The following KCNJ6 variants were observed in gnomAD, a reference collection of about 807,000 sequenced individuals.
KCNJ6 encodes the protein potassium inwardly rectifying channel subfamily J member 6.
A neutral mutation model predicts 34.2 loss-of-function variants in KCNJ6; 9 were observed. That is an observed-to-expected ratio of 0.26 (90% confidence interval 0.16 to 0.46). The LOEUF is 0.46. Ranked by LOEUF, KCNJ6 falls within the 20% of genes least tolerant of loss-of-function variation. The pLI, the probability that KCNJ6 is intolerant of heterozygous loss-of-function variation, is 1.00. For missense variants in KCNJ6, 236 were observed against 531.3 expected (o/e 0.44, Z 5.46); for synonymous variants, 196 against 207.1 (o/e 0.95, Z 0.46).
chr21:37,880,120 G>A (rs943879172), intron 1 of KCNJ6, among the ~76,000 whole-genome samples: 4 of 149,680 alleles, frequency 2.7e-5, no homozygotes, highest in South Asian at 2.1e-4. Flanking sequence ...AAAATTAGCC[G>A]AGTATGATTG....
At position 37,618,259 on chromosome 21, in the gene KCNJ6, C is replaced by T. The variant is rs760971605; in HGVS notation, c.*6900G>A. The T allele has an allele frequency of 2.0e-5, 3 of 152,316 alleles. No homozygotes were observed. Among genetic ancestry groups the T allele is most frequent in the South Asian group, 2.1e-4 (1 of 4,818 alleles). 9.4% of individuals were successfully genotyped at this position (152,316 alleles called of 1,614,324 possible). On this transcript the variant is annotated 3_prime_UTR_variant, in exon 4 of 4. Transcript: ENST00000609713. ...CTCTGATCTCTGCACTCCAGTTGAT[C>T]GAGTTCTACTAGTTGTGTTTAGTGA... is the stretch of plus-strand genomic sequence containing the variant.
intron 1 of KCNJ6, among the ~76,000 whole-genome samples, chr21:37,909,273 C>T (rs2055855916): frequency 6.6e-6 from 1 of 152,134 alleles, no homozygotes. Flanking sequence ...TACACAGGCT[C>T]ATCAAGAACT....
intron 1 of KCNJ6, among the ~76,000 whole-genome samples, chr21:37,900,505 G>A (rs1383517694): frequency 2.6e-5 from 4 of 152,154 alleles, no homozygotes; most frequent in African/African-American, 4.8e-5. Flanking sequence ...AATAAACAAA[G>A]CCACATGCAA....
intron 3 of KCNJ6, among the ~76,000 whole-genome samples, chr21:37,647,885 C>T (rs2054413021): frequency 1.3e-5 from 2 of 152,200 alleles, no homozygotes; most frequent in African/African-American, 4.8e-5. Context: ...GCAGCAGAGG[C>T]AGCATCTATA....
intron 2 of KCNJ6, among the ~76,000 whole-genome samples, chr21:37,827,997 C>G (rs2055406898): frequency 6.6e-6 from 1 of 152,126 alleles, no homozygotes; most frequent in Admixed American, 6.5e-5. Flanking sequence ...GTGGCTGGGC[C>G]ACAGTTAGAT....
chr21:37,683,103 T>A (rs1419741614), intron 3 of KCNJ6, among the ~76,000 whole-genome samples: 1 of 152,128 alleles, frequency 6.6e-6, no homozygotes, highest in African/African-American at 2.4e-5. Context: ...CCTGGAAAAA[T>A]ATGTCCTCTG....
intron 1 of KCNJ6, among the ~76,000 whole-genome samples, chr21:37,873,654 T>C (rs545293840): frequency 6.6e-6 from 1 of 152,260 alleles, no homozygotes; most frequent in African/African-American, 2.4e-5. Flanking sequence ...GGACTAGAAA[T>C]AGAAATATGA....
chr21:37,812,160 C>T (rs2055326099), intron 2 of KCNJ6, among the ~76,000 whole-genome samples: 2 of 152,050 alleles, frequency 1.3e-5, no homozygotes, highest in Admixed American at 1.3e-4. Flanking sequence ...CTGGTTATAC[C>T]ACACTTTCTG....
chr21:37,858,539 G>T (rs143569937), intron 1 of KCNJ6, among the ~76,000 whole-genome samples: 1,871 of 151,294 alleles, frequency 0.012, 24 homozygotes, highest in Middle Eastern at 0.051. Flanking sequence ...AGAGAAAAAA[G>T]AAATAATTTT....
chr21:37,750,040 A>T (rs958555528), intron 2 of KCNJ6, among the ~76,000 whole-genome samples: 6 of 151,636 alleles, frequency 4.0e-5, no homozygotes, highest in Non-Finnish European at 8.8e-5. Context: ...AAAGGCATTT[A>T]AAAAAAAATG....
chr21:37,666,326 ACT>A (rs1322386236), intron 3 of KCNJ6, among the ~76,000 whole-genome samples: 1 of 151,872 alleles, frequency 6.6e-6, no homozygotes, highest in South Asian at 2.1e-4. Context: ...GGCTGAGCTG[ACT>A]CTCACGGTTT....
intron 3 of KCNJ6, among the ~76,000 whole-genome samples, chr21:37,654,826 G>A (rs1270177032): frequency 1.3e-5 from 2 of 152,122 alleles, no homozygotes; most frequent in Non-Finnish European, 2.9e-5. Flanking sequence ...CCCCTGGCTG[G>A]GTCTGGGGAT....
At chr21:37,906,782 C>A (rs2123650632) in intron 1 of KCNJ6, among the ~76,000 whole-genome samples, 1 of 152,326 alleles carries the variant, frequency 6.6e-6, no homozygotes, top group East Asian at 1.9e-4. Context: ...GCCTCTCTTC[C>A]AATGACAACA....
intron 3 of KCNJ6, among the ~76,000 whole-genome samples, chr21:37,625,855 C>T (rs770917112): frequency 1.3e-5 from 2 of 152,376 alleles, no homozygotes; most frequent in East Asian, 3.9e-4. Context: ...CCTCCTACTG[C>T]TCTTGGAGGT....
intron 2 of KCNJ6, among the ~76,000 whole-genome samples, chr21:37,835,144 G>A (rs1335876914): frequency 6.6e-6 from 1 of 152,192 alleles, no homozygotes; most frequent in East Asian, 1.9e-4. Flanking sequence ...AACTCCTTCT[G>A]CCAAGATGCA....
intron 3 of KCNJ6, among the ~76,000 whole-genome samples, chr21:37,676,227 G>A (rs899727762): frequency 1.3e-4 from 20 of 152,186 alleles, no homozygotes; most frequent in African/African-American, 2.2e-4. Context: ...TTGGGTCAGC[G>A]GTGGAGAGGA....
intron 2 of KCNJ6, among the ~76,000 whole-genome samples, chr21:37,718,165 A>G (rs2054804142): frequency 6.6e-6 from 1 of 152,148 alleles, no homozygotes; most frequent in Non-Finnish European, 1.5e-5. Flanking sequence ...ATTGTCCTAA[A>G]CAGTGGATGT....
intron 2 of KCNJ6, among the ~76,000 whole-genome samples, chr21:37,818,147 T>G (rs966754166): frequency 1.3e-5 from 2 of 152,160 alleles, no homozygotes; most frequent in Admixed American, 1.3e-4. Flanking sequence ...ACCCCTTTCA[T>G]GTGTCTTACA....
chr21:37,730,305 T>C (rs1401673900), intron 2 of KCNJ6, among the ~76,000 whole-genome samples: 2 of 152,164 alleles, frequency 1.3e-5, no homozygotes, highest in Admixed American at 6.5e-5. Flanking sequence ...TTTGGGAGCC[T>C]GGTGACAAGG....
Sources: gnomAD v4.1 joint callset for allele counts (sites outside exome capture counted in the v4.1 genomes callset) on GRCh38, gnomAD v4.1.1 for gene constraint, MANE v1.5 for transcripts, NCBI Gene and HGNC (gene_info 2026-07-23, HGNC 2026-07-21) for gene names.